Variants in MED31 observed in about 807,000 individuals in gnomAD.
The protein encoded by MED31 is mediator complex subunit 31, also known as mediator of RNA polymerase II transcription subunit 31.
Under a neutral mutation model 22.0 loss-of-function variants are expected in MED31, and 11 were observed. That is an observed-to-expected ratio of 0.50 (90% CI 0.31 to 0.83). The LOEUF (loss-of-function observed/expected upper bound fraction) is 0.83. Ranked by LOEUF, MED31 falls within the 40% of genes least tolerant of loss-of-function variation. MED31 has a pLI of 0.04. For synonymous variants in MED31, 60 were observed against 55.1 expected (o/e 1.09, Z -0.40); for missense variants, 122 against 155.3 (o/e 0.79, Z 1.14).
intron 1 of MED31, chr17:6,651,260 A>T: frequency 1.8e-6 from 1 of 544,668 alleles, no homozygotes; most frequent in Non-Finnish European, 3.2e-6. Context: ...CCTCTCCCTT[A>T]GTCTCACCCA....
chr17:6,645,304 A>T (rs138853093), intron 3 of MED31, among the ~76,000 whole-genome samples: 218 of 152,340 alleles, frequency 1.4e-3, no homozygotes, highest in Non-Finnish European at 2.3e-3. Context: ...TTTAATATAG[A>T]CATAGAATAA....
Position 6,643,797 on chromosome 17 carries a change from T to C in MED31, c.*670A>G, listed in dbSNP as rs1972727828. 3.8e-6 allele frequency: 1 copy of C among 263,872 alleles called. No homozygotes were observed. 16.3% of individuals were successfully genotyped at this position (263,872 alleles called of 1,614,324 possible). The stretch of plus-strand genomic sequence containing the variant: ...GGTACCTCCCAAATCAATGGTAGCT[T>C]TCCCAAATGAACACAAGTATTTGAG... On this transcript the variant is annotated 3_prime_UTR_variant, in exon 4 of 4. Coordinates refer to ENST00000225728, the MANE Select transcript of MED31 (RefSeq NM_016060.3).
chr17:6,644,107 C>G lies in MED31; in HGVS notation c.*360G>C, dbSNP rs1972732850. 4.8e-6 allele frequency: 2 copies of G among 413,504 alleles called. No individual in the cohort carries two copies. Among genetic ancestry groups the G allele is most frequent in the Non-Finnish European group, 8.5e-6 (2 of 234,490 alleles). 25.6% of individuals were successfully genotyped at this position (413,504 alleles called of 1,614,324 possible). A position where few individuals can be genotyped will look rare whatever the true frequency, so the allele number is the denominator to read the frequency against. On this transcript the variant is annotated 3_prime_UTR_variant, in exon 4 of 4. Transcript: ENST00000225728. ...TAAGGTTCCAGGAGATGGTCTTGCC[C>G]TACTATATGTCAGGAACAGCTAGCC... is the stretch of plus-strand genomic sequence containing the variant.
At chr17:6,647,241 T>C (rs569338955) in intron 3 of MED31, among the ~76,000 whole-genome samples, 1 of 152,318 alleles carries the variant, frequency 6.6e-6, no homozygotes, top group African/African-American at 2.4e-5. Context: ...GCATGCTGAG[T>C]GTGCCGGTCC....
At chr17:6,648,659 G>T (rs1482430586) in intron 3 of MED31, among the ~76,000 whole-genome samples, 1 of 152,238 alleles carries the variant, frequency 6.6e-6, no homozygotes, top group African/African-American at 2.4e-5. Flanking sequence ...AGTCTCTCTT[G>T]AATGTAAATA....
At chr17:6,650,259 C>A in intron 2 of MED31, 97 bp downstream of exon 2, 1 of 1,352,300 alleles carries the variant, frequency 7.4e-7, no homozygotes. Flanking sequence ...TGTCATTCAA[C>A]TGAGAATGTG....
chr17:6,650,108 G>A (rs148346139), intron 2 of MED31, 30 bp from the exon 3 acceptor site: 4 of 1,547,674 alleles, frequency 2.6e-6, no homozygotes, highest in Admixed American at 4.2e-5. Flanking sequence ...AAAATCTGTA[G>A]GTCAAACCAA....
chr17:6,651,153 GAA>G (rs1424365114), intron 1 of MED31, among the ~76,000 whole-genome samples: 4 of 109,480 alleles, frequency 3.7e-5, no homozygotes, highest in Non-Finnish European at 7.7e-5. Context: ...ACCAGTAGCA[GAA>G]TGATACACAA....
chr17:6,651,013 T>A (rs373966572), intron 1 of MED31, among the ~76,000 whole-genome samples: 1 of 148,546 alleles, frequency 6.7e-6, no homozygotes, highest in African/African-American at 2.5e-5. Context: ...CCCAGCTACT[T>A]GAGAGGCTGA....
intron 3 of MED31, among the ~76,000 whole-genome samples, chr17:6,645,841 C>T (rs12767): frequency 0.17 from 26,006 of 152,086 alleles, 2,769 homozygotes; most frequent in African/African-American, 0.29. Flanking sequence ...GATGCTAAAA[C>T]AGGCAAAATA....
chr17:6,650,252 C>A, intron 2 of MED31, 104 bp downstream of exon 2: 1 of 1,315,706 alleles, frequency 7.6e-7, no homozygotes. Context: ...AGTGTAATGT[C>A]ATTCAACTGA....
chr17:6,650,560 G>A, intron 1 of MED31, 127 bp from the exon 2 acceptor site: 1 of 769,220 alleles, frequency 1.3e-6, no homozygotes, highest in Non-Finnish European at 2.1e-6. Flanking sequence ...CTAGGAGTGG[G>A]AGGAGATAAA....
chr17:6,650,581 A>G (rs56978514), intron 1 of MED31, 148 bp from the exon 2 acceptor site: 27,183 of 619,040 alleles, frequency 0.044, 1,208 homozygotes, highest in African/African-American at 0.17. Flanking sequence ...CCTTCCTTCG[A>G]AATCTAAGAA....
intron 1 of MED31, among the ~76,000 whole-genome samples, chr17:6,650,643 G>A (rs1972821100): frequency 6.6e-6 from 1 of 152,206 alleles, no homozygotes; most frequent in African/African-American, 2.4e-5. Context: ...TAAAGTTAAA[G>A]AGAAATCATC....
At chr17:6,648,757 A>G (rs1295774622) in intron 3 of MED31, among the ~76,000 whole-genome samples, 1 of 152,260 alleles carries the variant, frequency 6.6e-6, no homozygotes, top group African/African-American at 2.4e-5. Context: ...GAGGTACATT[A>G]TATCACAATA....
chr17:6,649,441 T>C (rs377506552), intron 3 of MED31, among the ~76,000 whole-genome samples: 1 of 152,278 alleles, frequency 6.6e-6, no homozygotes, highest in South Asian at 2.1e-4. Context: ...TAAGATCACC[T>C]CCTTCAAATA....
chr17:6,644,977 C>T (rs1347414455), intron 3 of MED31, among the ~76,000 whole-genome samples: 1 of 152,214 alleles, frequency 6.6e-6, no homozygotes, highest in Non-Finnish European at 1.5e-5. Flanking sequence ...ACGTGAAGAA[C>T]ATGAACATAT....
At chr17:6,645,135 T>TA (rs1172544486) in intron 3 of MED31, among the ~76,000 whole-genome samples, 1 of 152,210 alleles carries the variant, frequency 6.6e-6, no homozygotes, top group African/African-American at 2.4e-5. Context: ...ATTCTGAAAT[T>TA]AGATATACTC....
At chr17:6,648,455 C>T (rs879508992) in intron 3 of MED31, among the ~76,000 whole-genome samples, 1 of 152,204 alleles carries the variant, frequency 6.6e-6, no homozygotes, top group African/African-American at 2.4e-5. Context: ...GTAGTGACAG[C>T]TGCTCTCAGC....
Sources: allele counts gnomAD v4.1 joint callset (sites outside exome capture counted in the v4.1 genomes callset), GRCh38; gene constraint gnomAD v4.1.1; transcripts MANE v1.5; gene names NCBI Gene and HGNC (gene_info 2026-07-23, HGNC 2026-07-21).